The following USP12 variants were observed in gnomAD, a reference collection of about 807,000 sequenced individuals.
USP12 encodes ubiquitin carboxyl-terminal hydrolase 12.
Under a neutral mutation model 45.5 loss-of-function variants are expected in USP12, and 19 were observed. The observed-to-expected ratio is 0.42, with a 90% CI of 0.29 to 0.61. The LOEUF (loss-of-function observed/expected upper bound fraction) is 0.61, where lower values mean the gene tolerates loss of function less well. Ranked by LOEUF, USP12 falls within the 20% of genes least tolerant of loss-of-function variation. The pLI, the probability that USP12 is intolerant of heterozygous loss-of-function variation, is 0.22. For missense variants in USP12, 242 were observed against 447.7 expected (o/e 0.54, Z 4.15); for synonymous variants, 149 against 148.8 (o/e 1.00, Z -0.01).
chr13:27,166,544 T>C (rs1441303863), intron 1 of USP12, among the ~76,000 whole-genome samples: 1 of 152,176 alleles, frequency 6.6e-6, no homozygotes, highest in Non-Finnish European at 1.5e-5. Flanking sequence ...GGGCAGATAA[T>C]TAACCTACTT....
intron 8 of USP12, 127 bp downstream of exon 8, chr13:27,070,944 A>C (rs1233666342): frequency 2.6e-6 from 2 of 760,564 alleles, no homozygotes; most frequent in African/African-American, 1.8e-5. Flanking sequence ...ATTAGACTAC[A>C]ATCTATAGAC....
At chr13:27,165,141 G>C (rs879072483) in intron 1 of USP12, among the ~76,000 whole-genome samples, 1 of 150,584 alleles carries the variant, frequency 6.6e-6, no homozygotes, top group Non-Finnish European at 1.5e-5. Flanking sequence ...TGTGGTTTTT[G>C]CCATTCTCAA....
chr13:27,151,155 C>G (rs148928568), intron 1 of USP12, among the ~76,000 whole-genome samples: 6,385 of 151,542 alleles, frequency 0.042, 165 homozygotes, highest in Admixed American at 0.076. Context: ...ATGGCAAAAC[C>G]CCATCTCTAC....
At chr13:27,088,630 C>T (rs1401892831) in intron 6 of USP12, among the ~76,000 whole-genome samples, 2 of 152,110 alleles carry the variant, frequency 1.3e-5, no homozygotes, top group East Asian at 3.9e-4. Flanking sequence ...AGGGTACCTA[C>T]ATGACTAGCC....
intron 2 of USP12, among the ~76,000 whole-genome samples, chr13:27,111,671 T>C (rs925015355): frequency 3.3e-5 from 5 of 152,202 alleles, no homozygotes; most frequent in Non-Finnish European, 7.3e-5. Flanking sequence ...GCACATCCCT[T>C]ACACATTTAT....
At chr13:27,167,485 A>G (rs1878401207) in intron 1 of USP12, among the ~76,000 whole-genome samples, 1 of 152,014 alleles carries the variant, frequency 6.6e-6, no homozygotes, top group South Asian at 2.1e-4. Flanking sequence ...AAGCTCAAAC[A>G]TTCCTTTGAC....
intron 1 of USP12, among the ~76,000 whole-genome samples, chr13:27,159,943 G>A (rs1245030548): frequency 6.6e-6 from 1 of 152,198 alleles, no homozygotes; most frequent in Non-Finnish European, 1.5e-5. Context: ...TAACATCTGG[G>A]ATGAAAATGT....
chr13:27,151,490 C>T (rs1019550429), intron 1 of USP12, among the ~76,000 whole-genome samples: 3 of 152,040 alleles, frequency 2.0e-5, no homozygotes, highest in Non-Finnish European at 4.4e-5. Flanking sequence ...ACAAAGAACT[C>T]TTACACCAGG....
At chr13:27,077,589 C>G (rs1873549532) in intron 6 of USP12, 1 of 152,124 alleles carries the variant, frequency 6.6e-6, no homozygotes, top group African/African-American at 2.4e-5. Flanking sequence ...CACAAAGAAA[C>G]CAACTACCCA....
chr13:27,144,969 A>G (rs1877246965), intron 1 of USP12, among the ~76,000 whole-genome samples: 1 of 152,030 alleles, frequency 6.6e-6, no homozygotes, highest in Non-Finnish European at 1.5e-5. Context: ...CAGAAGGCAG[A>G]GGTGGGAGAA....
intron 1 of USP12, among the ~76,000 whole-genome samples, chr13:27,123,829 C>T (rs1876106326): frequency 5.3e-5 from 8 of 152,160 alleles, no homozygotes; most frequent in Admixed American, 5.2e-4. Context: ...TATTTCTTCA[C>T]AACAGTATGA....
intron 8 of USP12, among the ~76,000 whole-genome samples, chr13:27,069,747 A>G (rs1178249779): frequency 6.6e-6 from 1 of 152,252 alleles, no homozygotes; most frequent in African/African-American, 2.4e-5. Context: ...CAGAAGTTCG[A>G]GACCAGCCTG....
intron 6 of USP12, among the ~76,000 whole-genome samples, chr13:27,088,083 G>A (rs1874143622): frequency 6.6e-6 from 1 of 152,198 alleles, no homozygotes; most frequent in African/African-American, 2.4e-5. Context: ...ACAGTAATGG[G>A]AGGTTCAGAA....
chr13:27,140,493 C>G (rs1877006229), intron 1 of USP12, among the ~76,000 whole-genome samples: 1 of 152,110 alleles, frequency 6.6e-6, no homozygotes, highest in Non-Finnish European at 1.5e-5. Context: ...CACTATAGGG[C>G]ACAATAACAA....
At chr13:27,075,485 T>C in intron 6 of USP12, 97 bp from the exon 7 acceptor site, 4 of 1,147,414 alleles carry the variant, frequency 3.5e-6, no homozygotes, top group Non-Finnish European at 1.2e-6. Flanking sequence ...AGATAGACAA[T>C]GGTCAGTTTT....
At chr13:27,080,580 G>A (rs116672111) in intron 6 of USP12, among the ~76,000 whole-genome samples, 262 of 152,280 alleles carry the variant, frequency 1.7e-3, no homozygotes, top group African/African-American at 6.1e-3. Context: ...AGAGTAAAGA[G>A]ACTTGAGAGA....
intron 3 of USP12, among the ~76,000 whole-genome samples, chr13:27,096,053 T>C (rs1182628130): frequency 6.6e-6 from 1 of 152,228 alleles, no homozygotes; most frequent in Admixed American, 6.5e-5. Context: ...TAATTGATCC[T>C]GAGAAAAGGG....
At chr13:27,111,483 A>T (rs1875442554) in intron 2 of USP12, among the ~76,000 whole-genome samples, 1 of 152,216 alleles carries the variant, frequency 6.6e-6, no homozygotes, top group Non-Finnish European at 1.5e-5. Context: ...ATTAGGGAGA[A>T]GAAATTTTAA....
intron 1 of USP12, among the ~76,000 whole-genome samples, chr13:27,140,411 T>G (rs1877003263): frequency 6.6e-6 from 1 of 152,204 alleles, no homozygotes; most frequent in South Asian, 2.1e-4. Flanking sequence ...TTTTAGAATA[T>G]GAAATCTTAA....
Sources: gnomAD v4.1 joint callset for allele counts (sites outside exome capture counted in the v4.1 genomes callset) on GRCh38, gnomAD v4.1.1 for gene constraint, MANE v1.5 for transcripts, NCBI Gene and HGNC (gene_info 2026-07-23, HGNC 2026-07-21) for gene names.